Variants in TBC1D22B observed in about 807,000 individuals in gnomAD.
The protein encoded by TBC1D22B is TBC1 domain family member 22B, also known as chromosome 6 open reading frame 197.
In TBC1D22B, 32 loss-of-function variants were observed where a neutral mutation model predicts 69.1. The observed-to-expected ratio is 0.46, with a 90% confidence interval of 0.35 to 0.62. The LOEUF (loss-of-function observed/expected upper bound fraction) is 0.62, where lower values mean the gene tolerates loss of function less well. TBC1D22B is among the 20% of genes least tolerant of loss of function. The probability of loss-of-function intolerance (pLI) is 0.00; values close to 1 mark genes in which losing one functional copy is unlikely to be tolerated. For synonymous variants in TBC1D22B, 206 were observed against 229.8 expected (o/e 0.90, Z 0.94); for missense variants, 462 against 630.9 (o/e 0.73, Z 2.87).
chr6:37,304,165 G>A (rs780114814), intron 8 of TBC1D22B, among the ~76,000 whole-genome samples: 6 of 152,168 alleles, frequency 3.9e-5, no homozygotes, highest in Non-Finnish European at 8.8e-5. Flanking sequence ...CTCCCCTAAG[G>A]GATGGAGGTG....
intron 7 of TBC1D22B, among the ~76,000 whole-genome samples, chr6:37,288,691 A>G (rs1767083663): frequency 2.7e-5 from 4 of 150,682 alleles, no homozygotes; most frequent in Admixed American, 2.7e-4. Flanking sequence ...GCAATGAGCC[A>G]TGATCGTGCT....
intron 1 of TBC1D22B, among the ~76,000 whole-genome samples, chr6:37,267,537 A>T (rs1457464452): frequency 8.7e-6 from 1 of 114,654 alleles, no homozygotes; most frequent in East Asian, 2.4e-4. Context: ...TATATATATA[A>T]TATATATATA....
chr6:37,329,539 C>T (rs1768523213), intron 12 of TBC1D22B, among the ~76,000 whole-genome samples: 1 of 152,184 alleles, frequency 6.6e-6, no homozygotes, highest in Non-Finnish European at 1.5e-5. Flanking sequence ...ATGTGCATTT[C>T]TTATTTTGAT....
chr6:37,266,908 C>T (rs1415085738), intron 1 of TBC1D22B, among the ~76,000 whole-genome samples: 3 of 128,714 alleles, frequency 2.3e-5, no homozygotes, highest in Non-Finnish European at 3.3e-5. Context: ...AGTTTAAGTT[C>T]AATTTTTAAT....
At chr6:37,279,202 G>A (rs1766750740) in intron 2 of TBC1D22B, 102 bp from the exon 3 acceptor site, 1 of 1,136,176 alleles carries the variant, frequency 8.8e-7, no homozygotes, top group East Asian at 2.5e-5. Context: ...TAATGATTAT[G>A]TATGTGGTAG....
At chr6:37,323,342 A>G (rs1241818494) in intron 12 of TBC1D22B, among the ~76,000 whole-genome samples, 1 of 152,190 alleles carries the variant, frequency 6.6e-6, no homozygotes, top group Admixed American at 6.5e-5. Context: ...ACCCTGGGCA[A>G]CATAGGGAGA....
At chr6:37,286,025 T>A (rs77945134) in intron 6 of TBC1D22B, among the ~76,000 whole-genome samples, 2,845 of 152,340 alleles carry the variant, frequency 0.019, 87 homozygotes, top group African/African-American at 0.06. Flanking sequence ...TCTTAGGAAC[T>A]GTTGATGAGT....
chr6:37,275,816 G>A (rs1374583841), intron 2 of TBC1D22B, among the ~76,000 whole-genome samples: 1 of 152,214 alleles, frequency 6.6e-6, no homozygotes, highest in East Asian at 1.9e-4. Context: ...TCTGGAGAGA[G>A]CATAACTAGT....
At chr6:37,259,248 G>T (rs1765980958) in intron 1 of TBC1D22B, among the ~76,000 whole-genome samples, 1 of 152,136 alleles carries the variant, frequency 6.6e-6, no homozygotes, top group Admixed American at 6.5e-5. Context: ...TAATAGAAAG[G>T]AATGCAAAGA....
chr6:37,311,426 C>G (rs964799859), intron 8 of TBC1D22B, among the ~76,000 whole-genome samples: 1 of 152,086 alleles, frequency 6.6e-6, no homozygotes, highest in Non-Finnish European at 1.5e-5. Flanking sequence ...AATCCTAGCA[C>G]TTTGTGAGGC....
At chr6:37,258,095 T>G in intron 1 of TBC1D22B, 122 bp downstream of exon 1, 1 of 1,135,088 alleles carries the variant, frequency 8.8e-7, no homozygotes, top group Non-Finnish European at 1.2e-6. Flanking sequence ...AAGCTGGGAC[T>G]GCCTGGTGGC....
intron 8 of TBC1D22B, among the ~76,000 whole-genome samples, chr6:37,297,059 T>C (rs1205816574): frequency 6.6e-6 from 1 of 152,190 alleles, no homozygotes; most frequent in Non-Finnish European, 1.5e-5. Flanking sequence ...ACTCCTGGAC[T>C]CAAGCCATTT....
chr6:37,314,527 T>A (rs1411500054), intron 10 of TBC1D22B, among the ~76,000 whole-genome samples: 2 of 152,176 alleles, frequency 1.3e-5, no homozygotes, highest in South Asian at 4.1e-4. Context: ...TTACAGGAAT[T>A]CCTCAGCTTT....
At chr6:37,291,836 G>C in intron 8 of TBC1D22B, among the ~76,000 whole-genome samples, 1 of 152,178 alleles carries the variant, frequency 6.6e-6, no homozygotes. Flanking sequence ...CCAGGACCTT[G>C]ATTTCTCCCC....
intron 6 of TBC1D22B, among the ~76,000 whole-genome samples, chr6:37,285,678 A>C (rs1441942213): frequency 6.6e-6 from 1 of 152,174 alleles, no homozygotes; most frequent in Non-Finnish European, 1.5e-5. Flanking sequence ...ATTTTAGTAG[A>C]GATGGGGTTT....
chr6:37,291,239 C>A lies in TBC1D22B; in HGVS notation c.868-4C>A. On this transcript the variant is annotated splice_region_variant and splice_polypyrimidine_tract_variant and intron_variant, in intron 7 of 12. Transcript: ENST00000373491. ...ACTCGTGTCTTTCTTTCTCATTTTC[C>A]TAGATCTTTGAAAGAATTCTATTTA... The A allele has an allele frequency of 6.2e-7, 1 of 1,601,028 alleles. No homozygotes were observed. Among genetic ancestry groups the A allele is most frequent in the South Asian group, 1.1e-5 (1 of 90,772 alleles).
At chr6:37,298,539 G>GTTTTTTTTTTTTTTTTTTTTTTTTTTTT (rs34996865) in intron 8 of TBC1D22B, among the ~76,000 whole-genome samples, 4 of 71,258 alleles carry the variant, frequency 5.6e-5, no homozygotes, top group Admixed American at 2.0e-4. Flanking sequence ...GTTGCCTACA[G>GTTTTTTTTTTTTTTTTTTTTTTTTTTTT]TTTTTTTTTT....
At chr6:37,324,414 ATC>A (rs1768336404) in intron 12 of TBC1D22B, 1 of 455,546 alleles carries the variant, frequency 2.2e-6, no homozygotes, top group Admixed American at 2.4e-5. Context: ...GCAGGTTCAA[ATC>A]TCTCAGCTGT....
intron 6 of TBC1D22B, among the ~76,000 whole-genome samples, chr6:37,286,528 G>A (rs1325940710): frequency 6.6e-6 from 1 of 151,754 alleles, no homozygotes. Flanking sequence ...TGTTAGCCAG[G>A]ATGGTCTCGA....
Sources: gnomAD v4.1 joint callset for allele counts (sites outside exome capture counted in the v4.1 genomes callset) on GRCh38, gnomAD v4.1.1 for gene constraint, MANE v1.5 for transcripts, NCBI Gene and HGNC (gene_info 2026-07-23, HGNC 2026-07-21) for gene names.